Variants in CCDC18 observed in about 807,000 individuals in gnomAD.
The protein encoded by CCDC18 is coiled-coil domain containing 18, also known as coiled-coil domain-containing protein 18.
In CCDC18, 157 loss-of-function variants were observed where a neutral mutation model predicts 196.0. The ratio of observed to expected loss-of-function variants is 0.80; its 90% CI spans 0.70 to 0.91. The LOEUF is 0.91. Ranked by LOEUF, CCDC18 falls within the 40% of genes least tolerant of loss-of-function variation. The pLI is 0.00. For missense variants in CCDC18, 1,465 were observed against 1,611.6 expected (o/e 0.91, Z 1.56); for synonymous variants, 482 against 529.2 (o/e 0.91, Z 1.22).
At chr1:93,232,059 A>T (rs753376613) in intron 17 of CCDC18, among the ~76,000 whole-genome samples, 2 of 152,204 alleles carry the variant, frequency 1.3e-5, no homozygotes, top group African/African-American at 2.4e-5. Context: ...CTCAAAGTTC[A>T]GGGTTTTTAT....
chr1:93,263,054 G>A (rs767875344), intron 26 of CCDC18, among the ~76,000 whole-genome samples: 2 of 152,102 alleles, frequency 1.3e-5, no homozygotes, highest in African/African-American at 4.8e-5. Flanking sequence ...GGGTGGAGCT[G>A]AAGCAACAGC....
At chr1:93,215,159 T>C (rs1279930703) in intron 12 of CCDC18, among the ~76,000 whole-genome samples, 193 bp downstream of exon 12, 1 of 152,236 alleles carries the variant, frequency 6.6e-6, no homozygotes. Context: ...AAGTTAAAGT[T>C]ATTAAAAGTA....
chr1:93,221,751 C>G lies in CCDC18; in HGVS notation c.2097+8C>G. ...TTGACGGAAAGCAAAGGGGTAAAAT[C>G]ATCCTTATAAAAGTGCTATTTAGAA... On this transcript the variant is annotated splice_region_variant and intron_variant, in intron 15 of 28. Coordinates refer to ENST00000690025, the MANE Select transcript of CCDC18 (RefSeq NM_001378204.1). 6.3e-7 allele frequency: 1 copy of G among 1,596,076 alleles called. No individual in the cohort carries two copies. The highest frequency in any genetic ancestry group is 8.5e-7 in the Non-Finnish European group (1 of 1,175,294).
At chr1:93,210,986 C>A (rs1239956375) in intron 10 of CCDC18, 60 bp downstream of exon 10, 1 of 1,544,378 alleles carries the variant, frequency 6.5e-7, no homozygotes. Flanking sequence ...GTAATTAAGA[C>A]CCTTAATTGG....
At chr1:93,245,327 A>G (rs1028410777) in intron 21 of CCDC18, among the ~76,000 whole-genome samples, 1 of 152,172 alleles carries the variant, frequency 6.6e-6, no homozygotes, top group Non-Finnish European at 1.5e-5. Flanking sequence ...TGTGTTATAT[A>G]CCTCTTGAGA....
At chr1:93,235,882 AG>A (rs1282496392) in intron 18 of CCDC18, among the ~76,000 whole-genome samples, 1 of 152,172 alleles carries the variant, frequency 6.6e-6, no homozygotes, top group Non-Finnish European at 1.5e-5. Flanking sequence ...TTAGCATTTG[AG>A]GTCATGTGGA....
intron 28 of CCDC18, among the ~76,000 whole-genome samples, chr1:93,275,616 G>C (rs1665580451): frequency 1.3e-5 from 2 of 152,154 alleles, no homozygotes; most frequent in South Asian, 4.1e-4. Flanking sequence ...TTATCTGATT[G>C]GGGGTAGGAT....
In CCDC18 at chr1:93,226,261, G is replaced by A. The variant is rs151219342; in HGVS notation, c.2176-72G>A. On this transcript the variant is annotated intron_variant, in intron 16 of 28. Coordinates refer to ENST00000690025, the MANE Select transcript of CCDC18 (RefSeq NM_001378204.1). ...ATTTGAAGCAGTCAGGTAACATTAG[G>A]AGATAAATCTGTAAAATATTGAGTA... 3.2e-3 allele frequency: 2,205 copies of A among 680,590 alleles called. 115 individuals carry two copies. The East Asian group carries it at 0.057, about 18-fold the overall frequency. The allele number at this position is 680,590 out of a possible 1,614,324, so 42.2% of individuals were successfully genotyped here. A position where few individuals can be genotyped will look rare whatever the true frequency, so the allele number is the denominator to read the frequency against.
At chr1:93,220,503 G>A (rs1657237010) in intron 14 of CCDC18, among the ~76,000 whole-genome samples, 1 of 152,148 alleles carries the variant, frequency 6.6e-6, no homozygotes, top group South Asian at 2.1e-4. Context: ...ATCTATGGCA[G>A]TTGAAAGAAG....
chr1:93,262,845 G>C (rs537212578), intron 26 of CCDC18, among the ~76,000 whole-genome samples: 1 of 152,014 alleles, frequency 6.6e-6, no homozygotes, highest in Non-Finnish European at 1.5e-5. Context: ...CTCCATGAGG[G>C]CTCCACCTCC....
chr1:93,245,085 A>G (rs1661314811), intron 21 of CCDC18, among the ~76,000 whole-genome samples: 1 of 152,198 alleles, frequency 6.6e-6, no homozygotes, highest in Non-Finnish European at 1.5e-5. Context: ...AACTCAGATC[A>G]GAGACATTTA....
chr1:93,241,719 A>G (rs1464027677), intron 21 of CCDC18, among the ~76,000 whole-genome samples: 2 of 102,032 alleles, frequency 2.0e-5, no homozygotes, highest in South Asian at 3.2e-4. Context: ...GTGAGACTCC[A>G]TCTCAAAAAA....
intron 18 of CCDC18, among the ~76,000 whole-genome samples, chr1:93,234,960 T>TGTGTGTGTGTGTGTGA (rs1659845755): frequency 6.7e-6 from 1 of 149,660 alleles, no homozygotes. Flanking sequence ...TGTGTGTGTG[T>TGTGTGTGTGTGTGTGA]GTGTGTGTGT....
chr1:93,247,224 G>T (rs1208685542), intron 23 of CCDC18, among the ~76,000 whole-genome samples: 1 of 151,716 alleles, frequency 6.6e-6, no homozygotes, highest in African/African-American at 2.4e-5. Flanking sequence ...ACCACACTCT[G>T]TGGATCTTTC....
chr1:93,183,232 A>G (rs747947225), intron 1 of CCDC18, 128 bp from the exon 2 acceptor site: 44 of 624,434 alleles, frequency 7.0e-5, no homozygotes, highest in African/African-American at 6.4e-4. Context: ...TTTGTTTTAA[A>G]CCACCATGAA....
At chr1:93,263,046 G>A (rs1327660825) in intron 26 of CCDC18, among the ~76,000 whole-genome samples, 3 of 152,096 alleles carry the variant, frequency 2.0e-5, no homozygotes, top group African/African-American at 2.4e-5. Context: ...TTAGCCATGG[G>A]TGGAGCTGAA....
intron 19 of CCDC18, among the ~76,000 whole-genome samples, chr1:93,238,462 A>G (rs1660334619): frequency 6.6e-6 from 1 of 152,044 alleles, no homozygotes; most frequent in Non-Finnish European, 1.5e-5. Flanking sequence ...CAATTAAAAA[A>G]CTCTTGAACA....
At chr1:93,180,180 C>T (rs761378031), upstream of CCDC18, 11 of 1,613,334 alleles carry the variant, frequency 6.8e-6, no homozygotes, top group Non-Finnish European at 8.5e-6. Flanking sequence ...CCCCAGGCAG[C>T]AGCACCGGAG....
chr1:93,183,257 T>G (rs1395706837), intron 1 of CCDC18, 103 bp from the exon 2 acceptor site: 2 of 811,242 alleles, frequency 2.5e-6, no homozygotes, highest in Non-Finnish European at 3.6e-6. Context: ...TTCACAACAT[T>G]TAAAATAGAA....
Sources: allele counts gnomAD v4.1 joint callset (sites outside exome capture counted in the v4.1 genomes callset), GRCh38; gene constraint gnomAD v4.1.1; transcripts MANE v1.5; gene names NCBI Gene and HGNC (gene_info 2026-07-23, HGNC 2026-07-21).